The following SALL1 variants were observed in gnomAD, a reference collection of about 807,000 sequenced individuals.
The protein encoded by SALL1 is spalt like transcription factor 1.
Under a neutral mutation model 73.1 loss-of-function variants are expected in SALL1, and 10 were observed. The observed-to-expected ratio is 0.14, with a 90% CI of 0.08 to 0.23. SALL1 has a LOEUF of 0.23. Among genes scored for constraint, SALL1 ranks in the 10% least tolerant of loss-of-function variants. The pLI is 1.00. For missense variants in SALL1, 1,520 were observed against 1,697.3 expected, an observed-to-expected ratio of 0.90 and a Z score of 1.84; for synonymous variants, 688 against 689.8, an observed-to-expected ratio of 1.00 and a Z score of 0.04.
rs1259259871 is a variant in SALL1 at position 51,137,029 on chromosome 16, C to T, written c.*83G>A. ...TGGGGAACAGAAGGAAGGGGCGGGG[C>T]GGGGTGGGGGGCAAGGAGTAGGAGG... is the stretch of plus-strand genomic sequence containing the variant. On this transcript the variant is annotated 3_prime_UTR_variant, in exon 3 of 3. Transcript: ENST00000251020. 44 of 1,066,954 alleles carry T rather than the reference C, an allele frequency of 4.1e-5. No individual in the cohort carries two copies. The highest frequency in any genetic ancestry group is 4.9e-5 in the Non-Finnish European group (38 of 767,774). 66.1% of individuals were successfully genotyped at this position (1,066,954 alleles called of 1,614,324 possible).
Position 51,141,745 on chromosome 16 carries a change from G to A in SALL1, c.477C>T (p.Ser159=), listed in dbSNP as rs757737676. ...PSSSSSSSSS[S]GGGGSSSTGT... ...CTGTGGAGGAGCTGCCGCCGCCGCC[G>A]CTGCTGCTGCTGCTGCTGCTGCTGC... is the stretch of plus-strand genomic sequence containing the variant. Residue 159 remains serine, a synonymous_variant, in exon 2 of 3, where the codon AGC becomes AGT. Transcript: ENST00000251020. This position sits in a 1 kb window ranked among gnomAD's most constrained non-coding sequence, Gnocchi z 5.4. 8 of 1,306,106 alleles carry A rather than the reference G, an allele frequency of 6.1e-6. No individual in the cohort carries two copies. Among genetic ancestry groups the A allele is most frequent in the African/African-American group, 5.3e-5 (3 of 56,248 alleles). The allele number at this position is 1,306,106 out of a possible 1,614,324, so 80.9% of individuals were successfully genotyped here.
intron 1 of SALL1, 82 bp downstream of exon 1, chr16:51,151,084 G>T: frequency 1.0e-6 from 1 of 998,800 alleles, no homozygotes; most frequent in Non-Finnish European, 1.4e-6. Flanking sequence ...GGGCGCGGGG[G>T]CCAGCCGCGT....
At position 51,139,437 on chromosome 16, in the gene SALL1, G is replaced by C; in HGVS notation, c.2785C>G (p.Leu929Val). 1 of 1,614,192 alleles carries C rather than the reference G, an allele frequency of 6.2e-7. No individual in the cohort carries two copies. Among genetic ancestry groups the C allele is most frequent in the Non-Finnish European group, 8.5e-7 (1 of 1,180,032 alleles). Reference sequence around the variant, plus strand: ...TCCTGCGTGCTGTTGGACGGGGACAGAGCCTGCATGGAAGAGGTAGACTCT... The same window carrying C: ...TCCTGCGTGCTGTTGGACGGGGACACAGCCTGCATGGAAGAGGTAGACTCT... Reference protein sequence around the residue: ...ISESTSSMQALSPSNSTQEFH... With the variant: ...ISESTSSMQAVSPSNSTQEFH... The change falls in exon 2 of 3, where the codon CTG (leucine) becomes GTG (valine). Residue 929 changes from leucine (L) to valine (V), a missense_variant. Leu to Val is a conservative substitution (Grantham distance 32). Around this residue, in one of 7 missense-constraint regions of SALL1, gnomAD observed 266 missense variants for 275.1 expected, o/e 0.97. Transcript: ENST00000251020.
At position 51,139,299 on chromosome 16, in the gene SALL1, T is replaced by C; in HGVS notation, c.2923A>G (p.Ser975Gly). The C allele has an allele frequency of 1.2e-6, 2 of 1,614,164 alleles. No homozygotes were observed. The highest frequency in any genetic ancestry group is 1.7e-6 in the Non-Finnish European group (2 of 1,180,032). Residue 975 changes from serine (S) to glycine (G), a missense_variant, in exon 2 of 3, where the codon AGT (serine) becomes GGT (glycine). Ser to Gly is a moderately conservative substitution (Grantham distance 56). Transcript: ENST00000251020. ...VNGGALDLTS[S>G]HAEKIIKEDS... ...TCTTTGATGATTTTCTCTGCGTGACTAGATGTCAAATCCAAAGCCCCACCA... is the reference window on the plus strand; with the variant it reads ...TCTTTGATGATTTTCTCTGCGTGACCAGATGTCAAATCCAAAGCCCCACCA...
Position 51,141,059 on chromosome 16 carries a change from G to A in SALL1, c.1163C>T (p.Ser388Phe). The stretch of plus-strand genomic sequence containing the variant: ...GGCTTGCTGAGGTAGAAGTGGATTA[G>A]ACGCAGGACTTAATAAACTGCTTAT... ...FAISSLLSPA[S>F]NPLLPQQASA... The change falls in exon 2 of 3, where the codon TCT becomes TTT. Residue 388 changes from serine to phenylalanine, a missense_variant. Physicochemically the swap from Ser to Phe is radical, Grantham distance 155. Coordinates refer to ENST00000251020, the MANE Select transcript of SALL1 (RefSeq NM_002968.3). This position sits in a 1 kb window ranked among gnomAD's most constrained non-coding sequence, Gnocchi z 5.4. 1 of 1,614,244 alleles carries A rather than the reference G, an allele frequency of 6.2e-7. No homozygotes were observed. Among genetic ancestry groups the A allele is most frequent in the Non-Finnish European group, 8.5e-7 (1 of 1,180,052 alleles).
In SALL1 at chr16:51,137,003, CT is replaced by C. The variant is rs1267824961; in HGVS notation, c.*108del. The C allele has an allele frequency of 9.5e-6, 8 of 841,612 alleles. No homozygotes were observed. Among genetic ancestry groups the C allele is most frequent in the Non-Finnish European group, 1.5e-5 (8 of 535,864 alleles). The allele number at this position is 841,612 out of a possible 1,614,324, so 52.1% of individuals were successfully genotyped here. A position where few individuals can be genotyped will look rare whatever the true frequency, so the allele number is the denominator to read the frequency against. ...CTTCATAATGTTGTAGTTCATAGAT[CT>C]GGGGAACAGAAGGAAGGGGCGGGGC... On this transcript the variant is annotated 3_prime_UTR_variant, in exon 3 of 3. Coordinates refer to ENST00000251020, the MANE Select transcript of SALL1 (RefSeq NM_002968.3).
At chr16:51,148,514 A>G (rs188441002) in intron 1 of SALL1, among the ~76,000 whole-genome samples, 2 of 151,626 alleles carry the variant, frequency 1.3e-5, no homozygotes, top group East Asian at 1.9e-4. Flanking sequence ...AAAATATAAC[A>G]ATGTTTCTTT....
chr16:51,146,781 G>A (rs1045413129), intron 1 of SALL1, among the ~76,000 whole-genome samples: 1 of 152,126 alleles, frequency 6.6e-6, no homozygotes, highest in Admixed American at 6.6e-5. Context: ...GACACATCTA[G>A]GTTTTCTAAA....
chr16:51,150,491 ACAACTGGCGGCCAG>A, intron 1 of SALL1: 1 of 985,732 alleles, frequency 1.0e-6, no homozygotes, highest in Non-Finnish European at 1.2e-6. Flanking sequence ...CGTCTCCGGA[ACAACTGGCGGCCAG>A]CAGCACTCTC....
In SALL1 at chr16:51,150,979, G is replaced by A. The variant is rs146391431; in HGVS notation, c.76+187C>T. ...TGCTCGCTTTCCCCGGGGCAGCGGG[G>A]GAAAGCCCAGCAAAGGCACATTGAA... On this transcript the variant is annotated intron_variant, in intron 1 of 2. Transcript: ENST00000251020. The A allele has an allele frequency of 8.4e-3, 3,505 of 419,268 alleles. 115 individuals are homozygous for A. The highest frequency in any genetic ancestry group is 0.064 in the African/African-American group (3,146 of 48,900). 26.0% of individuals were successfully genotyped at this position (419,268 alleles called of 1,614,324 possible). A position where few individuals can be genotyped will look rare whatever the true frequency, so the allele number is the denominator to read the frequency against.
intron 1 of SALL1, among the ~76,000 whole-genome samples, chr16:51,142,365 T>C (rs1962457155): frequency 6.6e-6 from 1 of 152,206 alleles, no homozygotes; most frequent in South Asian, 2.1e-4. Context: ...ATGGCCTTCA[T>C]ATAATTCATC....
chr16:51,146,854 C>T (rs1203831466), intron 1 of SALL1, among the ~76,000 whole-genome samples: 4 of 152,022 alleles, frequency 2.6e-5, no homozygotes, highest in Non-Finnish European at 4.4e-5. Context: ...GTTAACTTTC[C>T]ACCTCTTTTG....
rs1373387335 is a variant in SALL1, at chr16:51,137,471, G to A, written c.3616C>T (p.Leu1206=). The change falls in exon 3 of 3, where the codon CTA becomes TTA. Residue 1206 remains leucine, a synonymous_variant. Transcript: ENST00000251020. ...GGGAACTTGACGGGATTGCCTCCTA[G>A]AAATGTCATGGGGCCATCCACAGAG... ...RLSVDGPMTF[L]GGNPVKFPEM... is the part of the protein sequence containing the mutation. 4 of 1,614,054 alleles carry A rather than the reference G, an allele frequency of 2.5e-6. No homozygotes were observed. The South Asian group carries it at 3.3e-5, about 13-fold the overall frequency.
intron 2 of SALL1, 99 bp from the exon 3 acceptor site, chr16:51,137,651 T>C: frequency 1.1e-6 from 1 of 901,816 alleles, no homozygotes; most frequent in South Asian, 1.6e-5. Flanking sequence ...TCAACTCATA[T>C]CCCAAATGTC....
At chr16:51,148,330 C>T (rs910715595) in intron 1 of SALL1, among the ~76,000 whole-genome samples, 1 of 152,212 alleles carries the variant, frequency 6.6e-6, no homozygotes, top group African/African-American at 2.4e-5. Context: ...GGTCTACAAA[C>T]TTTTCTAGGT....
intron 1 of SALL1, among the ~76,000 whole-genome samples, chr16:51,147,457 T>A (rs928352700): frequency 2.0e-4 from 31 of 152,178 alleles, no homozygotes; most frequent in East Asian, 5.8e-4. Context: ...TGGTTTTTTT[T>A]AAAAAAAGCA....
At chr16:51,145,979 C>CTTTTTTTT (rs372735955) in intron 1 of SALL1, among the ~76,000 whole-genome samples, 3 of 128,892 alleles carry the variant, frequency 2.3e-5, no homozygotes, top group Non-Finnish European at 1.7e-5. Flanking sequence ...ATTGATTGGT[C>CTTTTTTTT]TTTTTTTTTT....
At chr16:51,147,006 A>G (rs976631284) in intron 1 of SALL1, among the ~76,000 whole-genome samples, 1 of 152,210 alleles carries the variant, frequency 6.6e-6, no homozygotes, top group Non-Finnish European at 1.5e-5. Flanking sequence ...GGCTTTTGAC[A>G]ATTTCAAAAA....
Position 51,140,654 on chromosome 16 carries a change from C to G in SALL1, c.1568G>C (p.Ser523Thr). Residue 523 changes from serine to threonine, a missense_variant, in exon 2 of 3, where the codon AGT (serine) becomes ACT (threonine). Transcript: ENST00000251020. This position sits in a 1 kb window ranked among gnomAD's most constrained non-coding sequence, Gnocchi z 5.7. ...GGACATGCCATATGGGATGCCAGTA[C>G]TCGTGGGGATATTGTCCAAATGCTC... is the stretch of plus-strand genomic sequence containing the variant. ...VPEHLDNIPTSTGIPYGMSIP... is the reference protein window; with the variant it reads ...VPEHLDNIPTTTGIPYGMSIP... 6.2e-7 allele frequency: 1 copy of G among 1,614,106 alleles called. No homozygotes were observed. Among genetic ancestry groups the G allele is most frequent in the Non-Finnish European group, 8.5e-7 (1 of 1,180,016 alleles).
Sources: allele counts gnomAD v4.1 joint callset (sites outside exome capture counted in the v4.1 genomes callset), GRCh38; gene constraint gnomAD v4.1.1; regional missense constraint gnomAD v4.1.1; non-coding constraint Gnocchi (gnomAD v3.1); transcripts MANE v1.5; gene names NCBI Gene and HGNC (gene_info 2026-07-23, HGNC 2026-07-21).